Variants in TIAM1 observed in about 807,000 individuals in gnomAD.
The protein encoded by TIAM1 is rho guanine nucleotide exchange factor TIAM1.
A neutral mutation model predicts 163.5 loss-of-function variants in TIAM1; 65 were observed. The observed-to-expected ratio is 0.40, with a 90% CI of 0.33 to 0.49. TIAM1 has a LOEUF of 0.49. TIAM1 is among the 20% of genes least tolerant of loss of function. The pLI is 0.77. For synonymous variants in TIAM1, 833 were observed against 810.1 expected, an observed-to-expected ratio of 1.03 and a Z score of -0.48; for missense variants, 1,789 against 2,044.7, an observed-to-expected ratio of 0.87 and a Z score of 2.41.
chr21:31,357,208 A>C (rs1404386589), intron 2 of TIAM1, among the ~76,000 whole-genome samples: 3 of 152,116 alleles, frequency 2.0e-5, no homozygotes, highest in African/African-American at 7.2e-5. Context: ...CCTGACCCCT[A>C]ATGTCAAGTG....
intron 10 of TIAM1, among the ~76,000 whole-genome samples, chr21:31,212,333 T>C (rs2146571784): frequency 6.6e-6 from 1 of 152,210 alleles, no homozygotes; most frequent in Admixed American, 6.5e-5. Flanking sequence ...GCATGGCAAC[T>C]GAGGGCTGAA....
At chr21:31,430,228 ATATATATATAT>A (rs1569324314) in intron 2 of TIAM1, among the ~76,000 whole-genome samples, 570 of 55,458 alleles carry the variant, frequency 0.01, 11 homozygotes, top group African/African-American at 0.054. Context: ...AAAAAAAAAT[ATATATATATAT>A]ATATATATAC....
At chr21:31,333,099 T>G (rs2075730058) in intron 2 of TIAM1, among the ~76,000 whole-genome samples, 1 of 152,162 alleles carries the variant, frequency 6.6e-6, no homozygotes, top group African/African-American at 2.4e-5. Flanking sequence ...AATAAATAAA[T>G]GAATTAAAGA....
At chr21:31,283,100 A>G (rs1244217011) in intron 2 of TIAM1, among the ~76,000 whole-genome samples, 1 of 152,218 alleles carries the variant, frequency 6.6e-6, no homozygotes, top group Non-Finnish European at 1.5e-5. Flanking sequence ...TTCAAAGTGA[A>G]GTTACTATGT....
At chr21:31,478,753 C>T (rs921059448) in intron 1 of TIAM1, among the ~76,000 whole-genome samples, 7 of 152,250 alleles carry the variant, frequency 4.6e-5, no homozygotes, top group African/African-American at 7.2e-5. Context: ...CTCCAAAGCA[C>T]GCTGTCAGAA....
intron 2 of TIAM1, among the ~76,000 whole-genome samples, chr21:31,401,121 G>C (rs1376933022): frequency 6.6e-6 from 1 of 152,134 alleles, no homozygotes; most frequent in Admixed American, 6.5e-5. Context: ...GGGTGAGTCT[G>C]CATTTTTTAA....
At chr21:31,407,284 A>G (rs1452426821) in intron 2 of TIAM1, among the ~76,000 whole-genome samples, 2 of 152,170 alleles carry the variant, frequency 1.3e-5, no homozygotes, top group Non-Finnish European at 2.9e-5. Flanking sequence ...GTTTATTACG[A>G]TTCCTCTTGG....
At chr21:31,236,745 A>C (rs1346408308) in intron 6 of TIAM1, among the ~76,000 whole-genome samples, 2 of 152,152 alleles carry the variant, frequency 1.3e-5, no homozygotes, top group African/African-American at 2.4e-5. Flanking sequence ...GCTTTTAATA[A>C]AAGGAATTGA....
At chr21:31,459,781 G>C (rs2833410) in intron 2 of TIAM1, among the ~76,000 whole-genome samples, 55,356 of 152,068 alleles carry the variant, frequency 0.36, 10,315 homozygotes, top group Non-Finnish European at 0.39. Context: ...ACCAGAGTAA[G>C]AGTGAATATA....
Position 31,339,384 on chromosome 21 carries a change from A to C in TIAM1, c.-330T>G, listed in dbSNP as rs1423601781. The C allele has an allele frequency of 2.5e-6, 1 of 398,566 alleles. No homozygotes were observed. Among genetic ancestry groups the C allele is most frequent in the African/African-American group, 2.1e-5 (1 of 48,636 alleles). The allele number at this position is 398,566 out of a possible 1,614,324, so 24.7% of individuals were successfully genotyped here. ...CCTCCTCTTCCTCCTCCTGGGCTTCAGGTCTAGAAAGGTGGGTCTCAGTCC... is the reference window on the plus strand; with the variant it reads ...CCTCCTCTTCCTCCTCCTGGGCTTCCGGTCTAGAAAGGTGGGTCTCAGTCC... On this transcript the variant is annotated 5_prime_UTR_variant, in exon 2 of 28. Coordinates refer to ENST00000541036, the MANE Select transcript of TIAM1 (RefSeq NM_001353694.2).
At chr21:31,160,874 A>G in intron 16 of TIAM1, 1 of 188,630 alleles carries the variant, frequency 5.3e-6, no homozygotes, top group Non-Finnish European at 1.1e-5. Context: ...GCAAGAAAAC[A>G]AAGCACAAAA....
At chr21:31,338,856 G>T (rs2075934123) in intron 2 of TIAM1, among the ~76,000 whole-genome samples, 1 of 152,098 alleles carries the variant, frequency 6.6e-6, no homozygotes. Context: ...AAAGTGATGT[G>T]AACCCACACC....
intron 19 of TIAM1, among the ~76,000 whole-genome samples, chr21:31,147,715 A>G (rs1390520478): frequency 1.4e-5 from 2 of 144,192 alleles, no homozygotes; most frequent in East Asian, 3.9e-4. Flanking sequence ...TATTTTATAT[A>G]ATATATAAAA....
intron 2 of TIAM1, among the ~76,000 whole-genome samples, chr21:31,418,401 G>A (rs910579221): frequency 6.6e-6 from 1 of 151,112 alleles, no homozygotes; most frequent in Non-Finnish European, 1.5e-5. Flanking sequence ...GACACAGGGT[G>A]GTGGGAAGGC....
chr21:31,153,345 C>T (rs1295150815), intron 17 of TIAM1, among the ~76,000 whole-genome samples: 1 of 152,052 alleles, frequency 6.6e-6, no homozygotes, highest in Non-Finnish European at 1.5e-5. Flanking sequence ...TTTTAGGCTT[C>T]GAGGACTAAA....
chr21:31,451,326 T>C (rs879484828), intron 2 of TIAM1, among the ~76,000 whole-genome samples: 1 of 152,174 alleles, frequency 6.6e-6, no homozygotes, highest in African/African-American at 2.4e-5. Flanking sequence ...AACAGCAGCA[T>C]GTTTGATTAA....
At chr21:31,523,996 G>T (rs560881131) in intron 1 of TIAM1, among the ~76,000 whole-genome samples, 2 of 147,928 alleles carry the variant, frequency 1.4e-5, no homozygotes, top group African/African-American at 2.4e-5. Flanking sequence ...CAGCCTGGGT[G>T]ACGAAGCCAG....
intron 19 of TIAM1, among the ~76,000 whole-genome samples, chr21:31,151,516 T>G (rs559769233): frequency 5.6e-4 from 85 of 152,104 alleles, no homozygotes; most frequent in African/African-American, 2.0e-3. Context: ...AATGCAAACA[T>G]ATTTAACATA....
chr21:31,168,874 G>A (rs2084370729), intron 15 of TIAM1, among the ~76,000 whole-genome samples: 2 of 152,126 alleles, frequency 1.3e-5, no homozygotes, highest in Admixed American at 1.3e-4. Context: ...AAACACAAGA[G>A]GCAACACATC....
Sources: allele counts gnomAD v4.1 joint callset (sites outside exome capture counted in the v4.1 genomes callset), GRCh38; gene constraint gnomAD v4.1.1; transcripts MANE v1.5; gene names NCBI Gene and HGNC (gene_info 2026-07-23, HGNC 2026-07-21).